TXNDC16: variants seen among roughly 807,000 people sequenced by gnomAD.
The protein encoded by TXNDC16 is thioredoxin domain containing 16.
TXNDC16 carries 74 observed loss-of-function variants against 85.6 expected under a neutral mutation model. The ratio of observed to expected loss-of-function variants is 0.86; its 90% confidence interval spans 0.72 to 1.05. The LOEUF is 1.05. Among genes scored for constraint, TXNDC16 ranks in the 50% least tolerant of loss-of-function variants. The pLI, the probability that TXNDC16 is intolerant of heterozygous loss-of-function variation, is 0.00. For missense variants in TXNDC16, 959 were observed against 947.0 expected (o/e 1.01, Z -0.17); for synonymous variants, 335 against 326.5 (o/e 1.03, Z -0.28).
chr14:52,536,863 T>G, intron 5 of TXNDC16, 70 bp from the exon 6 acceptor site: 1 of 1,320,904 alleles, frequency 7.6e-7, no homozygotes. Flanking sequence ...TCAATTTACT[T>G]GTCTATCAAA....
At chr14:52,464,237 T>A (rs146840476) in intron 16 of TXNDC16, among the ~76,000 whole-genome samples, 9 of 152,222 alleles carry the variant, frequency 5.9e-5, no homozygotes, top group Non-Finnish European at 1.5e-5. Context: ...TCCTAACTTG[T>A]GTGTTGTGAT....
intron 7 of TXNDC16, among the ~76,000 whole-genome samples, chr14:52,517,579 C>T (rs971678078): frequency 2.4e-4 from 37 of 152,168 alleles, no homozygotes; most frequent in Non-Finnish European, 1.0e-4. Context: ...AATGGATGTC[C>T]GCATTTTCTC....
At chr14:52,474,347 G>A (rs2035972450) in intron 14 of TXNDC16, among the ~76,000 whole-genome samples, 2 of 152,120 alleles carry the variant, frequency 1.3e-5, no homozygotes, top group Admixed American at 1.3e-4. Context: ...TGCCAATAAG[G>A]CTAGAGAATC....
At chr14:52,519,654 C>T (rs1384656050) in intron 6 of TXNDC16, among the ~76,000 whole-genome samples, 1 of 152,194 alleles carries the variant, frequency 6.6e-6, no homozygotes, top group Non-Finnish European at 1.5e-5. Flanking sequence ...CTTTGCATGG[C>T]CTATAAGGTC....
At chr14:52,435,816 A>G (rs570844152) in intron 20 of TXNDC16, among the ~76,000 whole-genome samples, 39 of 151,296 alleles carry the variant, frequency 2.6e-4, no homozygotes, top group African/African-American at 9.6e-4. Flanking sequence ...AAACAAAGAC[A>G]AAAACAAAAA....
intron 9 of TXNDC16, among the ~76,000 whole-genome samples, chr14:52,498,133 C>A (rs1481258723): frequency 6.6e-6 from 1 of 152,028 alleles, no homozygotes; most frequent in African/African-American, 2.4e-5. Flanking sequence ...AAACTAGGAA[C>A]AGAAATAAAT....
intron 18 of TXNDC16, among the ~76,000 whole-genome samples, chr14:52,452,994 A>G: frequency 6.6e-6 from 1 of 152,184 alleles, no homozygotes; most frequent in South Asian, 2.1e-4. Flanking sequence ...ATCAGTAGGA[A>G]AAAATCTGAT....
intron 14 of TXNDC16, among the ~76,000 whole-genome samples, chr14:52,477,058 T>C (rs2036034802): frequency 2.0e-5 from 3 of 152,142 alleles, no homozygotes; most frequent in Admixed American, 2.0e-4. Context: ...GCCAAGAATT[T>C]TGTACCCAGC....
At chr14:52,433,733 A>G (rs2034961384) in intron 20 of TXNDC16, among the ~76,000 whole-genome samples, 1 of 152,246 alleles carries the variant, frequency 6.6e-6, no homozygotes, top group African/African-American at 2.4e-5. Flanking sequence ...AATTTAGGCT[A>G]CTCATGAAAC....
At chr14:52,496,087 G>A (rs1010364665) in intron 9 of TXNDC16, among the ~76,000 whole-genome samples, 1 of 151,688 alleles carries the variant, frequency 6.6e-6, no homozygotes, top group African/African-American at 2.4e-5. Context: ...TTGAACCTGA[G>A]AGGTGGAGCT....
At chr14:52,481,968 A>G (rs2036160521) in intron 14 of TXNDC16, among the ~76,000 whole-genome samples, 1 of 152,130 alleles carries the variant, frequency 6.6e-6, no homozygotes, top group African/African-American at 2.4e-5. Context: ...CTTAAACCAA[A>G]AAGGTTGTTG....
intron 9 of TXNDC16, among the ~76,000 whole-genome samples, chr14:52,502,639 C>T (rs2036685795): frequency 6.6e-6 from 1 of 152,172 alleles, no homozygotes; most frequent in Admixed American, 6.5e-5. Flanking sequence ...CTACAGCTCC[C>T]AGAGTGAGCG....
chr14:52,484,034 C>G (rs2036208271), intron 12 of TXNDC16, among the ~76,000 whole-genome samples: 1 of 152,164 alleles, frequency 6.6e-6, no homozygotes, highest in South Asian at 2.1e-4. Flanking sequence ...ATCAGAAGTT[C>G]AAACACTGAC....
At chr14:52,507,778 A>C (rs1308816346) in intron 9 of TXNDC16, among the ~76,000 whole-genome samples, 1 of 152,258 alleles carries the variant, frequency 6.6e-6, no homozygotes, top group Non-Finnish European at 1.5e-5. Context: ...TAAGTATCTG[A>C]TCTTTGACAA....
At chr14:52,541,078 A>T (rs1470487252) in intron 4 of TXNDC16, among the ~76,000 whole-genome samples, 2 of 152,096 alleles carry the variant, frequency 1.3e-5, no homozygotes, top group Non-Finnish European at 2.9e-5. Context: ...TCTACTAAAA[A>T]TATAAAAATT....
intron 18 of TXNDC16, among the ~76,000 whole-genome samples, chr14:52,454,006 T>A (rs1436684224): frequency 1.3e-5 from 2 of 152,204 alleles, no homozygotes; most frequent in East Asian, 1.9e-4. Context: ...AAAAATAATT[T>A]AATTGTTCAT....
intron 1 of TXNDC16, among the ~76,000 whole-genome samples, chr14:52,545,417 T>C (rs1487962472): frequency 1.3e-5 from 2 of 152,234 alleles, no homozygotes; most frequent in African/African-American, 4.8e-5. Flanking sequence ...ATAATCTCTG[T>C]AGTTTGTTCC....
intron 12 of TXNDC16, among the ~76,000 whole-genome samples, chr14:52,486,844 C>T (rs1003653450): frequency 2.0e-5 from 3 of 151,968 alleles, no homozygotes; most frequent in African/African-American, 7.3e-5. Flanking sequence ...CACAAAGAAA[C>T]GATAAATGTT....
chr14:52,520,470 C>T (rs776685129), intron 6 of TXNDC16, among the ~76,000 whole-genome samples: 4 of 152,026 alleles, frequency 2.6e-5, no homozygotes, highest in East Asian at 3.9e-4. Flanking sequence ...ATTAGCCAGG[C>T]GCAGTGGCGG....
Sources: allele counts gnomAD v4.1 joint callset (sites outside exome capture counted in the v4.1 genomes callset), GRCh38; gene constraint gnomAD v4.1.1; transcripts MANE v1.5; gene names NCBI Gene and HGNC (gene_info 2026-07-23, HGNC 2026-07-21).